Variants in LRP12 observed in about 807,000 individuals in gnomAD.
The protein encoded by LRP12 is low-density lipoprotein receptor-related protein 12.
A neutral mutation model predicts 66.0 loss-of-function variants in LRP12; 14 were observed. That is an observed-to-expected ratio of 0.21 (90% CI 0.14 to 0.33). The LOEUF is 0.33. Among genes scored for constraint, LRP12 ranks in the 10% least tolerant of loss-of-function variants. The probability of loss-of-function intolerance (pLI) is 1.00; values close to 1 mark genes in which losing one functional copy is unlikely to be tolerated. For synonymous variants in LRP12, 357 were observed against 359.1 expected (o/e 0.99, Z 0.07); for missense variants, 889 against 1,053.4 (o/e 0.84, Z 2.16).
intron 1 of LRP12, 128 bp downstream of exon 1, chr8:104,588,691 G>C: frequency 1.5e-6 from 1 of 670,514 alleles, no homozygotes; most frequent in Non-Finnish European, 2.5e-6. Context: ...CCCCCTCACC[G>C]GTCTTTGTCC....
intron 2 of LRP12, among the ~76,000 whole-genome samples, chr8:104,518,891 C>T (rs1179450347): frequency 6.6e-6 from 1 of 151,978 alleles, no homozygotes; most frequent in African/African-American, 2.4e-5. Context: ...TGGACAGATA[C>T]TTAAAGACAC....
At chr8:104,513,407 C>T (rs1009447151) in intron 2 of LRP12, among the ~76,000 whole-genome samples, 1 of 152,170 alleles carries the variant, frequency 6.6e-6, no homozygotes, top group Non-Finnish European at 1.5e-5. Flanking sequence ...CTCAATCATG[C>T]ACCTCTTCCC....
chr8:104,517,517 AG>A (rs1490033095), intron 2 of LRP12, among the ~76,000 whole-genome samples: 1 of 152,030 alleles, frequency 6.6e-6, no homozygotes, highest in East Asian at 1.9e-4. Context: ...AAGGTTATTG[AG>A]GGAAGAGAAA....
chr8:104,520,442 G>C (rs16871538), intron 2 of LRP12, among the ~76,000 whole-genome samples: 3,706 of 152,106 alleles, frequency 0.024, 230 homozygotes, highest in Admixed American at 0.14. Flanking sequence ...AGGTAAGGCA[G>C]AAATCCTCAC....
At chr8:104,544,650 C>T (rs1452277289) in intron 1 of LRP12, among the ~76,000 whole-genome samples, 3 of 152,120 alleles carry the variant, frequency 2.0e-5, no homozygotes, top group Admixed American at 2.0e-4. Context: ...TTGAACAAAG[C>T]CTGGGTGACA....
rs909815821 is a variant in LRP12, at chr8:104,546,267, T to C, written c.80-14304A>G. The stretch of plus-strand genomic sequence containing the variant: ...ATCAGCTTTGTTGAGGTATAACTTA[T>C]ATGCAAAAAATCCATCAACTTCAAG... On this transcript the variant is annotated intron_variant, in intron 1 of 6. Transcript: ENST00000276654. Among the ~76,000 whole-genome samples, 14 of 152,244 alleles carry C rather than the reference T, an allele frequency of 9.2e-5. No individual in the cohort carries two copies. In the East Asian group the frequency reaches 9.6e-4, roughly 10 times the overall value.
At chr8:104,570,241 C>A (rs529159264) in intron 1 of LRP12, among the ~76,000 whole-genome samples, 4 of 152,090 alleles carry the variant, frequency 2.6e-5, no homozygotes, top group Non-Finnish European at 2.9e-5. Flanking sequence ...TAGTATCAAT[C>A]AAAATCCCTG....
chr8:104,522,534 G>C (rs1044839367), intron 2 of LRP12, among the ~76,000 whole-genome samples: 2 of 152,050 alleles, frequency 1.3e-5, no homozygotes, highest in Non-Finnish European at 2.9e-5. Context: ...CCTGACAGAA[G>C]ATTCTAAGTC....
In LRP12 at chr8:104,497,577, TG is replaced by T; in HGVS notation, c.974del (p.Pro325HisfsTer8). The T allele has an allele frequency of 6.2e-7, 1 of 1,613,758 alleles. No homozygotes were observed. Among genetic ancestry groups the T allele is most frequent in the Non-Finnish European group, 8.5e-7 (1 of 1,179,874 alleles). ...VKIYDGLEEN[P>X]HKLLRVLTAF... Reference sequence around the variant, plus strand: ...CTGTCAACACACGCAAAAGCTTGTGTGGATTCTCCTCTAATCCATCATATAT... The same window carrying T: ...CTGTCAACACACGCAAAAGCTTGTGTGATTCTCCTCTAATCCATCATATAT... On this transcript the variant is annotated frameshift_variant, in exon 5 of 7. Transcript: ENST00000276654. LOFTEE classifies it high-confidence loss of function. This position sits in a 1 kb window ranked among gnomAD's most constrained non-coding sequence, Gnocchi z 4.3.
Position 104,527,360 on chromosome 8 carries a change from C to T in LRP12, c.136+4547G>A, listed in dbSNP as rs540707018. ...TATACTCAAAGGACTATAAATCATG[C>T]TGCTATAAAGACACATGCACACCTA... On this transcript the variant is annotated intron_variant, in intron 2 of 6. Coordinates refer to ENST00000276654, the MANE Select transcript of LRP12 (RefSeq NM_013437.5). Among the ~76,000 whole-genome samples the T allele has an allele frequency of 1.5e-3, 229 of 150,494 alleles. 1 individual carries two copies. The highest frequency in any genetic ancestry group is 5.3e-3 in the African/African-American group (213 of 40,210).
chr8:104,578,686 C>G (rs1376488892), intron 1 of LRP12, among the ~76,000 whole-genome samples: 2 of 152,150 alleles, frequency 1.3e-5, no homozygotes, highest in Non-Finnish European at 2.9e-5. Context: ...TCAAAAAATA[C>G]TTGCAAACCA....
At chr8:104,574,979 G>A (rs1024005576) in intron 1 of LRP12, among the ~76,000 whole-genome samples, 5 of 152,148 alleles carry the variant, frequency 3.3e-5, no homozygotes, top group Admixed American at 3.3e-4. Context: ...CTGAAGGACA[G>A]CAGGAGTTAA....
chr8:104,502,362 A>G (rs938638785), intron 3 of LRP12, among the ~76,000 whole-genome samples: 2 of 152,200 alleles, frequency 1.3e-5, no homozygotes, highest in Non-Finnish European at 2.9e-5. Flanking sequence ...GTTACTTTCC[A>G]GCAGGTTCCT....
chr8:104,521,134 T>C (rs1224847597), intron 2 of LRP12, among the ~76,000 whole-genome samples: 1 of 152,004 alleles, frequency 6.6e-6, no homozygotes, highest in East Asian at 1.9e-4. Context: ...TTTGATTTTT[T>C]TTTCTTCAAA....
intron 1 of LRP12, among the ~76,000 whole-genome samples, chr8:104,552,531 T>C (rs1235435029): frequency 6.6e-6 from 1 of 151,948 alleles, no homozygotes; most frequent in African/African-American, 2.4e-5. Context: ...TTTTTTTCTC[T>C]CAGCAAATAG....
chr8:104,576,878 T>C (rs763526805), intron 1 of LRP12, among the ~76,000 whole-genome samples: 4 of 151,858 alleles, frequency 2.6e-5, no homozygotes, highest in Non-Finnish European at 5.9e-5. Flanking sequence ...TCACATCCAA[T>C]GACACACATA....
intron 2 of LRP12, among the ~76,000 whole-genome samples, chr8:104,510,273 C>A (rs959980101): frequency 6.6e-6 from 1 of 152,190 alleles, no homozygotes; most frequent in Non-Finnish European, 1.5e-5. Flanking sequence ...CTCAAAATCA[C>A]TGCAAAGCAG....
chr8:104,503,012 CT>C (rs1212214836), intron 3 of LRP12, among the ~76,000 whole-genome samples: 1 of 152,070 alleles, frequency 6.6e-6, no homozygotes, highest in African/African-American at 2.4e-5. Context: ...AGGTGAAACC[CT>C]ATCTCTACTA....
At position 104,501,904 on chromosome 8, in the gene LRP12, T is replaced by C. The variant is rs1467594519; in HGVS notation, c.273-2385A>G. Among the ~76,000 whole-genome samples the C allele has an allele frequency of 2.6e-5, 4 of 152,316 alleles. No individual in the cohort carries two copies. In the East Asian group the frequency reaches 5.8e-4, roughly 22 times the overall value. ...TTTGTTGTCCTAAGATATCTTGGTG[T>C]TTCCAAAGATCTCAACGATGTTCAA... is the stretch of plus-strand genomic sequence containing the variant. On this transcript the variant is annotated intron_variant, in intron 3 of 6. Coordinates refer to ENST00000276654, the MANE Select transcript of LRP12 (RefSeq NM_013437.5).
Sources: gnomAD v4.1 joint callset for allele counts (sites outside exome capture counted in the v4.1 genomes callset) on GRCh38, gnomAD v4.1.1 for gene constraint, Gnocchi (gnomAD v3.1) non-coding constraint, MANE v1.5 for transcripts, NCBI Gene and HGNC (gene_info 2026-07-23, HGNC 2026-07-21) for gene names.